EPHA1: variants seen among roughly 807,000 people sequenced by gnomAD.
The protein encoded by EPHA1 is ephrin type-A receptor 1.
Under a neutral mutation model 110.1 loss-of-function variants are expected in EPHA1, and 92 were observed. The observed-to-expected ratio is 0.84, with a 90% CI of 0.71 to 0.99. The LOEUF (loss-of-function observed/expected upper bound fraction) is 0.99, where lower values mean the gene tolerates loss of function less well. EPHA1 is among the 50% of genes least tolerant of loss of function. The probability of loss-of-function intolerance (pLI) is 0.00; values close to 1 mark genes in which losing one functional copy is unlikely to be tolerated. For synonymous variants in EPHA1, 500 were observed against 516.1 expected (o/e 0.97, Z 0.42); for missense variants, 1,204 against 1,285.4 (o/e 0.94, Z 0.97).
intron 11 of EPHA1, 68 bp downstream of exon 11, chr7:143,396,317 G>C: frequency 6.4e-7 from 1 of 1,558,632 alleles, no homozygotes; most frequent in Non-Finnish European, 8.7e-7. Flanking sequence ...TGGAAGGAAG[G>C]GGCCTGCTGG....
At chr7:143,406,027 T>A (rs907788524) in intron 2 of EPHA1, among the ~76,000 whole-genome samples, 5 of 152,218 alleles carry the variant, frequency 3.3e-5, no homozygotes, top group African/African-American at 1.2e-4. Flanking sequence ...GTGCTGTGAA[T>A]TGTAAAATAT....
In EPHA1 at chr7:143,401,738, C is replaced by A; in HGVS notation, c.151-133G>T. On this transcript the variant is annotated intron_variant, in intron 2 of 17. Coordinates refer to ENST00000275815, the MANE Select transcript of EPHA1 (RefSeq NM_005232.5). This position sits in a 1 kb window ranked among gnomAD's most constrained non-coding sequence, Gnocchi z 4.1. ...GCTACTTGTTCTGCCTCTCCCCACC[C>A]CTCAGCTCCAGGACAGTAGACTGAG... is the stretch of plus-strand genomic sequence containing the variant. 2 of 1,069,078 alleles carry A rather than the reference C, an allele frequency of 1.9e-6. No homozygotes were observed. Among genetic ancestry groups the A allele is most frequent in the Non-Finnish European group, 2.7e-6 (2 of 740,302 alleles). 66.2% of individuals were successfully genotyped at this position (1,069,078 alleles called of 1,614,324 possible). A position where few individuals can be genotyped will look rare whatever the true frequency, so the allele number is the denominator to read the frequency against.
Position 143,393,534 on chromosome 7 carries a change from A to C in EPHA1, c.2696+137T>G. 1 of 933,828 alleles carries C rather than the reference A, an allele frequency of 1.1e-6. No homozygotes were observed. The highest frequency in any genetic ancestry group is 1.6e-6 in the Non-Finnish European group (1 of 636,446). The allele number at this position is 933,828 out of a possible 1,614,324, so 57.8% of individuals were successfully genotyped here. Reference sequence around the variant, plus strand: ...AAGCTGACCTCTTGGACTCTCCCCAAGGGCACGTCTTGCCTCATACACTGG... The same window carrying C: ...AAGCTGACCTCTTGGACTCTCCCCACGGGCACGTCTTGCCTCATACACTGG... On this transcript the variant is annotated intron_variant, in intron 16 of 17. Transcript: ENST00000275815. This position sits in a 1 kb window ranked among gnomAD's most constrained non-coding sequence, Gnocchi z 5.6.
chr7:143,404,375 C>T (rs1805491090), intron 2 of EPHA1, among the ~76,000 whole-genome samples: 1 of 152,104 alleles, frequency 6.6e-6, no homozygotes. Flanking sequence ...CGCCACCATG[C>T]CTGGCTAATT....
rs779885990 is a variant in EPHA1, at chr7:143,407,644, C to T, written c.117G>A (p.Glu39=). 6 of 1,613,612 alleles carry T rather than the reference C, an allele frequency of 3.7e-6. No individual in the cohort carries two copies. In the South Asian group the frequency reaches 5.5e-5, roughly 15 times the overall value. The change falls in exon 2 of 18, where the codon GAG becomes GAA. Residue 39 remains glutamate, a synonymous_variant. Coordinates refer to ENST00000275815, the MANE Select transcript of EPHA1 (RefSeq NM_005232.5). ...TLMDTSKAQG[E]LGWLLDPPKD... ...TTGGGGGATCCAGCAGCCAGCCCAGCTCTCCCTGTGCCTTGCTTGTGTCCA... is the reference window on the plus strand; with the variant it reads ...TTGGGGGATCCAGCAGCCAGCCCAGTTCTCCCTGTGCCTTGCTTGTGTCCA...
At position 143,398,016 on chromosome 7, in the gene EPHA1, G is replaced by A. The variant is rs1399765615; in HGVS notation, c.1519C>T (p.Gln507Ter). The A allele has an allele frequency of 2.5e-6, 4 of 1,614,020 alleles. No homozygotes were observed. Among genetic ancestry groups the A allele is most frequent in the Non-Finnish European group, 3.4e-6 (4 of 1,180,018 alleles). The change falls in exon 8 of 18, where the codon CAG (glutamine) becomes TAG (stop). Residue 507 changes from glutamine (Q) to a stop codon, truncating the protein, a stop_gained. Coordinates refer to ENST00000275815, the MANE Select transcript of EPHA1 (RefSeq NM_005232.5). LOFTEE classifies it high-confidence loss of function. ...LEPRVLLTELQPDTTYIVRVR... is the reference protein window; with the variant it reads ...LEPRVLLTEL ...CTGACGATGTATGTGGTGTCAGGCTGCAGCTCTGTCAGCAAGACCCTGGGT... is the reference window on the plus strand; with the variant it reads ...CTGACGATGTATGTGGTGTCAGGCTACAGCTCTGTCAGCAAGACCCTGGGT...
chr7:143,394,607 A>G (rs1380873876), intron 14 of EPHA1, among the ~76,000 whole-genome samples: 1 of 151,960 alleles, frequency 6.6e-6, no homozygotes, highest in Non-Finnish European at 1.5e-5. Context: ...TTTTTAGTAG[A>G]GACGGGGTTT....
At chr7:143,403,393 C>A (rs1805471298) in intron 2 of EPHA1, among the ~76,000 whole-genome samples, 1 of 151,022 alleles carries the variant, frequency 6.6e-6, no homozygotes, top group Non-Finnish European at 1.5e-5. Flanking sequence ...GAAAGATAGC[C>A]ACAAAAGTGT....
In EPHA1 at chr7:143,395,633, G is replaced by C; in HGVS notation, c.1898-129C>G. ...TCAGAAGCGTGGAGTGCCCTTCCTG[G>C]GACAGGGCGTGGGCTGTCCTTCCTG... On this transcript the variant is annotated intron_variant, in intron 11 of 17. Coordinates refer to ENST00000275815, the MANE Select transcript of EPHA1 (RefSeq NM_005232.5). The surrounding 1 kb of genome is among the most constrained non-coding windows in gnomAD (Gnocchi z 4.7). 1 of 996,690 alleles carries C rather than the reference G, an allele frequency of 1.0e-6. No individual in the cohort carries two copies. Among genetic ancestry groups the C allele is most frequent in the Non-Finnish European group, 1.4e-6 (1 of 690,254 alleles). The allele number at this position is 996,690 out of a possible 1,614,324, so 61.7% of individuals were successfully genotyped here. A position where few individuals can be genotyped will look rare whatever the true frequency, so the allele number is the denominator to read the frequency against.
At chr7:143,391,864 T>A in intron 16 of EPHA1, 89 bp from the exon 17 acceptor site, 9 of 1,552,348 alleles carry the variant, frequency 5.8e-6, no homozygotes, top group Non-Finnish European at 7.8e-6. Flanking sequence ...AGCACTGAAG[T>A]TCGGTGTCTG....
Position 143,401,496 on chromosome 7 carries a change from T to C in EPHA1, c.260A>G (p.Tyr87Cys). Residue 87 changes from tyrosine (Y) to cysteine (C), a missense_variant, in exon 3 of 18, where the codon TAC (tyrosine) becomes TGC (cysteine). Physicochemically the swap from Tyr to Cys is radical, Grantham distance 194 (BLOSUM62 -2). Coordinates refer to ENST00000275815, the MANE Select transcript of EPHA1 (RefSeq NM_005232.5). The surrounding 1 kb of genome is among the most constrained non-coding windows in gnomAD (Gnocchi z 4.1). The stretch of plus-strand genomic sequence containing the variant: ...GACGCGGGAAGCCTCCTCCCCGCGG[T>C]AGATCCAATTGGAGCGAAGCCAGTG... The part of the protein sequence containing the change: ...TDHWLRSNWI[Y>C]RGEEASRVHV... 3 of 1,614,102 alleles carry C rather than the reference T, an allele frequency of 1.9e-6. No individual in the cohort carries two copies. Among genetic ancestry groups the C allele is most frequent in the East Asian group, 2.2e-5 (1 of 44,878 alleles).
chr7:143,404,468 C>T (rs1020864297), intron 2 of EPHA1, among the ~76,000 whole-genome samples: 6 of 152,086 alleles, frequency 3.9e-5, no homozygotes, highest in Non-Finnish European at 7.4e-5. Flanking sequence ...CCGCCCGCCT[C>T]GGCCTCCCAA....
chr7:143,399,175 C>G, intron 5 of EPHA1, 83 bp downstream of exon 5: 1 of 1,533,162 alleles, frequency 6.5e-7, no homozygotes, highest in Non-Finnish European at 8.8e-7. Context: ...CTGACAAGCT[C>G]TGGAAAAATC....
At chr7:143,394,736 A>G in intron 14 of EPHA1, 72 bp downstream of exon 14, 3 of 1,568,708 alleles carry the variant, frequency 1.9e-6, no homozygotes, top group South Asian at 1.1e-5. Context: ...TTGTGCCTAT[A>G]TACATGTGAC....
rs778367248 is a variant in EPHA1, at chr7:143,399,852, C to A, written c.634G>T (p.Ala212Ser). 1.2e-6 allele frequency: 2 copies of A among 1,606,028 alleles called. No homozygotes were observed. Among genetic ancestry groups the A allele is most frequent in the East Asian group, 4.5e-5 (2 of 44,400 alleles). Reference protein sequence around the residue: ...QRCPETLNGLAQFPDTLPGPA... With the variant: ...QRCPETLNGLSQFPDTLPGPA... Reference sequence around the variant, plus strand: ...CCAGGCAGAGTGTCTGGGAATTGGGCCAAGCCATTCAGGGTCTCAGGACAG... The same window carrying A: ...CCAGGCAGAGTGTCTGGGAATTGGGACAAGCCATTCAGGGTCTCAGGACAG... The change falls in exon 4 of 18, where the codon GCC (alanine) becomes TCC (serine). Residue 212 changes from alanine to serine, a missense_variant. Transcript: ENST00000275815.
At position 143,398,776 on chromosome 7, in the gene EPHA1, C is replaced by T. The variant is rs142936374; in HGVS notation, c.1161G>A (p.Gly387=). The part of the protein sequence containing the change: ...AQDGGPCQPC[G]VGVHFSPGAR... ...CCCCCGGCGAGAAGTGCACGCCCACCCCACAGGGCTGGCAGGGCCCCCCGT... is the reference window on the plus strand; with the variant it reads ...CCCCCGGCGAGAAGTGCACGCCCACTCCACAGGGCTGGCAGGGCCCCCCGT... Residue 387 remains glycine, a synonymous_variant, in exon 6 of 18, where the codon GGG becomes GGA. Coordinates refer to ENST00000275815, the MANE Select transcript of EPHA1 (RefSeq NM_005232.5). 6 of 1,613,862 alleles carry T rather than the reference C, an allele frequency of 3.7e-6. No homozygotes were observed. Among genetic ancestry groups the T allele is most frequent in the African/African-American group, 1.3e-5 (1 of 75,050 alleles).
At chr7:143,397,515 C>G (rs1805287423) in intron 9 of EPHA1, 46 bp downstream of exon 9, 1 of 1,602,450 alleles carries the variant, frequency 6.2e-7, no homozygotes, top group African/African-American at 1.3e-5. Flanking sequence ...CAGTCAGGGG[C>G]TTCTGACCCA....
chr7:143,391,775 C>A lies in EPHA1; in HGVS notation c.2697G>T (p.Arg899Ser), dbSNP rs778597320. The A allele has an allele frequency of 6.2e-7, 1 of 1,613,492 alleles. No individual in the cohort carries two copies. The highest frequency in any genetic ancestry group is 1.1e-5 in the South Asian group (1 of 91,064). ...TCAGGCTGGGCAGGCGAAGAGTCAT[C>A]CTGTGGGACATGGGCATGTCAGTCA... The part of the protein sequence containing the change: ...SLRTIANFDP[R>S]MTLRLPSLSG... The change falls in exon 17 of 18, where the codon AGG (arginine) becomes AGT (serine). Residue 899 changes from arginine to serine, a missense_variant and splice_region_variant. Transcript: ENST00000275815.
chr7:143,396,479 G>T lies in EPHA1; in HGVS notation c.1803C>A (p.Asp601Glu). The T allele has an allele frequency of 1.2e-6, 2 of 1,613,998 alleles. No homozygotes were observed. Among genetic ancestry groups the T allele is most frequent in the South Asian group, 2.2e-5 (2 of 91,072 alleles). The change falls in exon 11 of 18, where the codon GAC becomes GAA. Residue 601 changes from aspartate (D) to glutamate (E), a missense_variant. Physicochemically the swap from Asp to Glu is conservative, Grantham distance 45. Coordinates refer to ENST00000275815, the MANE Select transcript of EPHA1 (RefSeq NM_005232.5). ...GTGCAGGGTCCTCGTATGCCTGGAG[G>T]TCCACATAAGGCTTCAGCCACAGCT... The part of the protein sequence containing the change: ...EDKLWLKPYV[D>E]LQAYEDPAQG...
Sources: allele counts gnomAD v4.1 joint callset (sites outside exome capture counted in the v4.1 genomes callset), GRCh38; gene constraint gnomAD v4.1.1; non-coding constraint Gnocchi (gnomAD v3.1); transcripts MANE v1.5; gene names NCBI Gene and HGNC (gene_info 2026-07-23, HGNC 2026-07-21).